MTX2: variants seen among roughly 807,000 people sequenced by gnomAD.
MTX2 encodes the protein metaxin 2, also known as metaxin-2.
MTX2 carries 35 observed loss-of-function variants against 42.3 expected under a neutral mutation model. That is an observed-to-expected ratio of 0.83 (90% CI 0.63 to 1.10). The LOEUF (loss-of-function observed/expected upper bound fraction) is 1.10. Among genes scored for constraint, MTX2 ranks in the 50% least tolerant of loss-of-function variants. The pLI is 0.00. For synonymous variants in MTX2, 119 were observed against 100.9 expected (o/e 1.18, Z -1.08); for missense variants, 307 against 304.1 (o/e 1.01, Z -0.07).
intron 3 of MTX2, among the ~76,000 whole-genome samples, chr2:176,311,649 C>G (rs1476107923): frequency 6.6e-6 from 1 of 152,222 alleles, no homozygotes; most frequent in Non-Finnish European, 1.5e-5. Flanking sequence ...TCTCACAGAT[C>G]CATCTCAGAC....
chr2:176,282,763 G>A (rs545208887), intron 1 of MTX2, among the ~76,000 whole-genome samples: 9 of 149,652 alleles, frequency 6.0e-5, no homozygotes, highest in Admixed American at 1.3e-4. Context: ...GAGTGCAGTC[G>A]CACGATCTCA....
intron 4 of MTX2, among the ~76,000 whole-genome samples, chr2:176,326,478 G>A (rs1326439101): frequency 6.6e-6 from 1 of 151,694 alleles, no homozygotes; most frequent in Non-Finnish European, 1.5e-5. Context: ...CAGTGGTCAT[G>A]TACCAGTGTC....
chr2:176,323,899 G>A (rs910800480), intron 4 of MTX2, among the ~76,000 whole-genome samples: 6 of 151,478 alleles, frequency 4.0e-5, no homozygotes, highest in South Asian at 4.1e-4. Flanking sequence ...TTAATTTGTC[G>A]TTAGATCTTG....
chr2:176,309,796 C>G (rs940114762), intron 3 of MTX2, among the ~76,000 whole-genome samples: 5 of 149,718 alleles, frequency 3.3e-5, no homozygotes, highest in Non-Finnish European at 7.4e-5. Flanking sequence ...GCCTGTGTGC[C>G]TCTTTGCACA....
chr2:176,337,514 G>A lies in MTX2; in HGVS notation c.642G>A (p.Leu214=), dbSNP rs962525020. ...FNKQPTELDA[L]VFGHLYTILT... ...TTAGGCCTACTGAACTTGACGCACT[G>A]GTATTTGGCCATCTATACACCATTC... The change falls in exon 10 of 10, where the codon CTG becomes CTA. Residue 214 remains leucine (L), a synonymous_variant. Transcript: ENST00000249442. 6.2e-7 allele frequency: 1 copy of A among 1,605,478 alleles called. No individual in the cohort carries two copies. The highest frequency in any genetic ancestry group is 8.5e-7 in the Non-Finnish European group (1 of 1,175,986).
chr2:176,325,434 C>T (rs1684685820), intron 4 of MTX2, among the ~76,000 whole-genome samples: 1 of 151,552 alleles, frequency 6.6e-6, no homozygotes, highest in South Asian at 2.1e-4. Context: ...TTATATATCT[C>T]TTTATATTTA....
chr2:176,269,650 C>T lies in MTX2; in HGVS notation c.21C>T (p.Ala7=), dbSNP rs1057344987. Residue 7 remains alanine, a synonymous_variant, in exon 1 of 10, where the codon GCC becomes GCT. Transcript: ENST00000249442. ...CCGACATGTCTCTAGTGGCGGAAGC[C>T]TTCGTCTCCCAGATTGCAGGTAGCG... MSLVAE[A]FVSQIAAAEP... is the part of the protein sequence containing the mutation. The T allele has an allele frequency of 3.1e-6, 5 of 1,597,880 alleles. No homozygotes were observed. Among genetic ancestry groups the T allele is most frequent in the Non-Finnish European group, 4.3e-6 (5 of 1,174,992 alleles).
intron 1 of MTX2, among the ~76,000 whole-genome samples, chr2:176,279,659 G>T (rs1012476037): frequency 3.3e-5 from 5 of 152,076 alleles, no homozygotes; most frequent in Middle Eastern, 6.8e-3. Context: ...TTCTAAGTTG[G>T]CTAGTCCAGG....
chr2:176,329,847 TA>T (rs1187772362), intron 8 of MTX2, among the ~76,000 whole-genome samples: 14 of 148,158 alleles, frequency 9.4e-5, no homozygotes, highest in Non-Finnish European at 1.2e-4. Flanking sequence ...CATCAGGGCT[TA>T]AAAAAAAAGC....
At chr2:176,298,560 G>A (rs1013526147) in intron 3 of MTX2, among the ~76,000 whole-genome samples, 2 of 152,120 alleles carry the variant, frequency 1.3e-5, no homozygotes, top group African/African-American at 4.8e-5. Context: ...TGTTTATGAT[G>A]TAGGTTATGG....
chr2:176,328,237 A>T, intron 5 of MTX2, 56 bp from the exon 6 acceptor site: 1 of 1,161,874 alleles, frequency 8.6e-7, no homozygotes, highest in Non-Finnish European at 1.2e-6. Context: ...GAGATAACTG[A>T]AAGTTTTTGT....
chr2:176,289,868 A>G (rs1320561902), intron 1 of MTX2, among the ~76,000 whole-genome samples: 1 of 152,060 alleles, frequency 6.6e-6, no homozygotes, highest in African/African-American at 2.4e-5. Context: ...ATATTTTGGC[A>G]TGTATTATTG....
At chr2:176,327,240 G>A (rs1684729568) in intron 5 of MTX2, among the ~76,000 whole-genome samples, 1 of 151,096 alleles carries the variant, frequency 6.6e-6, no homozygotes, top group Admixed American at 6.6e-5. Flanking sequence ...TGAAGTGTCT[G>A]GCTGACCTTT....
At chr2:176,316,568 T>C (rs1684445985) in intron 3 of MTX2, among the ~76,000 whole-genome samples, 1 of 151,862 alleles carries the variant, frequency 6.6e-6, no homozygotes, top group Non-Finnish European at 1.5e-5. Context: ...TGCTTGTCCA[T>C]TTTTTTGTAT....
intron 1 of MTX2, among the ~76,000 whole-genome samples, chr2:176,295,298 G>A (rs956035115): frequency 9.2e-5 from 14 of 152,082 alleles, no homozygotes; most frequent in African/African-American, 3.4e-4. Flanking sequence ...ATTGTTTTTA[G>A]TATAGATGTA....
intron 9 of MTX2, among the ~76,000 whole-genome samples, chr2:176,332,696 C>T (rs1684891372): frequency 6.6e-6 from 1 of 151,152 alleles, no homozygotes; most frequent in African/African-American, 2.4e-5. Flanking sequence ...ATTTACAAAA[C>T]TTGGGTGACA....
chr2:176,308,249 C>T (rs1490925502), intron 3 of MTX2, among the ~76,000 whole-genome samples: 1 of 152,016 alleles, frequency 6.6e-6, no homozygotes, highest in South Asian at 2.1e-4. Flanking sequence ...AGGATGAAGC[C>T]GACTTGATCA....
intron 1 of MTX2, chr2:176,270,221 A>C: frequency 2.6e-6 from 1 of 385,720 alleles, no homozygotes; most frequent in South Asian, 2.4e-5. Context: ...CCGAGGCTGG[A>C]GTGCAGTGGC....
chr2:176,284,054 T>C (rs1693139248), intron 1 of MTX2, among the ~76,000 whole-genome samples: 1 of 152,168 alleles, frequency 6.6e-6, no homozygotes, highest in African/African-American at 2.4e-5. Flanking sequence ...CATTATCATA[T>C]GTAGTTGGCC....
Sources: gnomAD v4.1 joint callset for allele counts (sites outside exome capture counted in the v4.1 genomes callset) on GRCh38, gnomAD v4.1.1 for gene constraint, MANE v1.5 for transcripts, NCBI Gene and HGNC (gene_info 2026-07-23, HGNC 2026-07-21) for gene names.